Variants in SCN3A observed in about 807,000 individuals in gnomAD.
SCN3A encodes sodium channel protein type 3 subunit alpha.
SCN3A carries 60 observed loss-of-function variants against 187.6 expected under a neutral mutation model. The observed-to-expected ratio is 0.32, with a 90% CI of 0.26 to 0.40. SCN3A has a LOEUF of 0.40. Ranked by LOEUF, SCN3A falls within the 10% of genes least tolerant of loss-of-function variation. The pLI, the probability that SCN3A is intolerant of heterozygous loss-of-function variation, is 1.00. For synonymous variants in SCN3A, 788 were observed against 829.2 expected (o/e 0.95, Z 0.85); for missense variants, 1,601 against 2,428.2 (o/e 0.66, Z 7.16).
At chr2:165,154,784 G>A in intron 10 of SCN3A, 126 bp from the exon 11 acceptor site, 1 of 925,494 alleles carries the variant, frequency 1.1e-6, no homozygotes, top group Non-Finnish European at 1.7e-6. Context: ...TTTTCACCAA[G>A]AATTTTTTGG....
chr2:165,130,891 C>G lies in SCN3A; in HGVS notation c.2565+353G>C, dbSNP rs118144996. 6.5e-3 allele frequency among the ~76,000 whole-genome samples: 987 copies of G among 152,116 alleles called. 18 individuals are homozygous for G. The highest frequency in any genetic ancestry group is 0.021 in the African/African-American group (892 of 41,500). On this transcript the variant is annotated intron_variant, in intron 16 of 27. Transcript: ENST00000283254. ...ATGTTGCTTTAAAACAGTCCCCATT[C>G]CTAGAAGTAGGGTTAATAAAAAGCT...
intron 8 of SCN3A, 61 bp from the exon 9 acceptor site, chr2:165,162,432 TAATA>T: frequency 6.3e-7 from 1 of 1,596,278 alleles, no homozygotes; most frequent in Non-Finnish European, 8.6e-7. Flanking sequence ...TTAGTATTAG[TAATA>T]AATCAGAGTT....
chr2:165,163,244 A>G (rs924016483), intron 7 of SCN3A, among the ~76,000 whole-genome samples: 1 of 152,070 alleles, frequency 6.6e-6, no homozygotes, highest in Admixed American at 6.5e-5. Context: ...TGCCATATAC[A>G]TGCTCTTCAA....
intron 6 of SCN3A, among the ~76,000 whole-genome samples, chr2:165,164,055 G>C (rs183326457): frequency 6.6e-5 from 10 of 152,180 alleles, no homozygotes; most frequent in African/African-American, 2.4e-4. Context: ...AAACAAAATC[G>C]TGTTGCTTTA....
intron 16 of SCN3A, among the ~76,000 whole-genome samples, chr2:165,130,785 T>A (rs941454679): frequency 6.6e-6 from 1 of 152,136 alleles, no homozygotes; most frequent in Non-Finnish European, 1.5e-5. Flanking sequence ...TTTTACATAT[T>A]TCTCAATAAA....
intron 15 of SCN3A, among the ~76,000 whole-genome samples, chr2:165,133,531 A>G (rs1687483850): frequency 6.6e-6 from 1 of 151,806 alleles, no homozygotes; most frequent in Non-Finnish European, 1.5e-5. Context: ...CTGTAGAGAC[A>G]GGGTTTCACA....
At chr2:165,147,281 T>G (rs2105835966) in intron 11 of SCN3A, among the ~76,000 whole-genome samples, 1 of 90,018 alleles carries the variant, frequency 1.1e-5, no homozygotes, top group Admixed American at 1.2e-4. Context: ...TTGTCTTTTT[T>G]TTGGGGGGGG....
chr2:165,097,288 A>G lies in SCN3A; in HGVS notation c.4203T>C (p.Asp1401=). ...GTGCAAGATAGCCAGCGCCAACATT[A>G]TCAAAGTTTACTTTCACGTTTTTCC... ...ARWKNVKVNF[D]NVGAGYLALL... Residue 1401 remains aspartate, a synonymous_variant, in exon 23 of 28, where the codon GAT becomes GAC. Coordinates refer to ENST00000283254, the MANE Select transcript of SCN3A (RefSeq NM_006922.4). 6.2e-7 allele frequency: 1 copy of G among 1,614,114 alleles called. No homozygotes were observed. Among genetic ancestry groups the G allele is most frequent in the Non-Finnish European group, 8.5e-7 (1 of 1,179,972 alleles).
Position 165,088,998 on chromosome 2 carries a change from C to A in SCN3A, c.*1152G>T, listed in dbSNP as rs2105610807. 1 of 152,624 alleles carries A rather than the reference C, an allele frequency of 6.6e-6. No homozygotes were observed. Among genetic ancestry groups the A allele is most frequent in the East Asian group, 1.9e-4 (1 of 5,178 alleles). 9.5% of individuals were successfully genotyped at this position (152,624 alleles called of 1,614,324 possible). A position where few individuals can be genotyped will look rare whatever the true frequency, so the allele number is the denominator to read the frequency against. On this transcript the variant is annotated 3_prime_UTR_variant, in exon 28 of 28. Coordinates refer to ENST00000283254, the MANE Select transcript of SCN3A (RefSeq NM_006922.4). ...AATTCATTCTATCACCAATATGTGA[C>A]ATTCTTTAACCAAGACTTGTGAAGA...
At chr2:165,189,062 C>G (rs1396492803) in intron 1 of SCN3A, among the ~76,000 whole-genome samples, 1 of 152,020 alleles carries the variant, frequency 6.6e-6, no homozygotes, top group African/African-American at 2.4e-5. Flanking sequence ...GGTGTAATGT[C>G]CCCAGTAACT....
rs1372782522 is a variant in SCN3A at position 165,131,185 on chromosome 2, A to T, written c.2565+59T>A. The T allele has an allele frequency of 2.7e-6, 3 of 1,098,630 alleles. No individual in the cohort carries two copies. The Admixed American group carries it at 6.7e-5, about 24-fold the overall frequency. The allele number at this position is 1,098,630 out of a possible 1,614,324, so 68.1% of individuals were successfully genotyped here. On this transcript the variant is annotated intron_variant, in intron 16 of 27. Transcript: ENST00000283254. Reference sequence around the variant, plus strand: ...TTAATAATTATATAAATATACATTGATTCAATTTCAAAATAAATGTTGTGC... The same window carrying T: ...TTAATAATTATATAAATATACATTGTTTCAATTTCAAAATAAATGTTGTGC...
intron 18 of SCN3A, chr2:165,122,946 TGC>T (rs1342832883): frequency 6.6e-6 from 1 of 152,170 alleles, no homozygotes; most frequent in African/African-American, 2.4e-5. Context: ...AGTATGATAT[TGC>T]TAGATTGTGT....
intron 9 of SCN3A, among the ~76,000 whole-genome samples, chr2:165,161,378 G>A (rs62174944): frequency 0.23 from 34,415 of 151,774 alleles, 5,102 homozygotes; most frequent in East Asian, 0.52. Flanking sequence ...GAGCTTACAA[G>A]TGGTGAAGTT....
chr2:165,196,191 ATTTTTTT>A (rs201666917), intron 1 of SCN3A, among the ~76,000 whole-genome samples: 1 of 148,790 alleles, frequency 6.7e-6, no homozygotes, highest in Non-Finnish European at 1.5e-5. Context: ...TAAAGGTTGG[ATTTTTTT>A]TTTTAAATAA....
At chr2:165,177,996 A>G (rs1690576606) in intron 2 of SCN3A, among the ~76,000 whole-genome samples, 1 of 152,008 alleles carries the variant, frequency 6.6e-6, no homozygotes, top group African/African-American at 2.4e-5. Context: ...CTTTGCCCCC[A>G]CATGTATTCT....
intron 2 of SCN3A, among the ~76,000 whole-genome samples, chr2:165,180,652 A>G (rs571248634): frequency 6.4e-4 from 97 of 152,278 alleles, no homozygotes; most frequent in Non-Finnish European, 1.3e-3. Flanking sequence ...CAAGCAATTC[A>G]TTATGGGTGG....
intron 1 of SCN3A, among the ~76,000 whole-genome samples, chr2:165,196,475 A>G (rs1054388484): frequency 3.9e-5 from 6 of 152,068 alleles, no homozygotes; most frequent in African/African-American, 9.7e-5. Flanking sequence ...CTAAATGATG[A>G]TCCTCTAGGG....
chr2:165,179,874 G>C (rs977602194), intron 2 of SCN3A, among the ~76,000 whole-genome samples: 7 of 151,990 alleles, frequency 4.6e-5, no homozygotes, highest in African/African-American at 1.7e-4. Context: ...ATTATACAGA[G>C]TTCTTACATA....
chr2:165,090,114 A>G lies in SCN3A; in HGVS notation c.*36T>C. 6.4e-7 allele frequency: 1 copy of G among 1,553,390 alleles called. No individual in the cohort carries two copies. Among genetic ancestry groups the G allele is most frequent in the Non-Finnish European group, 8.7e-7 (1 of 1,148,074 alleles). On this transcript the variant is annotated 3_prime_UTR_variant, in exon 28 of 28. Coordinates refer to ENST00000283254, the MANE Select transcript of SCN3A (RefSeq NM_006922.4). This position sits in a 1 kb window ranked among gnomAD's most constrained non-coding sequence, Gnocchi z 4.0. ...CATATACTTTACCTTCATAGGCTGT[A>G]AACAATTGATCACAAAGATAATTCT...
Sources: gnomAD v4.1 joint callset for allele counts (sites outside exome capture counted in the v4.1 genomes callset) on GRCh38, gnomAD v4.1.1 for gene constraint, Gnocchi (gnomAD v3.1) non-coding constraint, MANE v1.5 for transcripts, NCBI Gene and HGNC (gene_info 2026-07-23, HGNC 2026-07-21) for gene names.